The following TSPAN7 variants were observed in gnomAD, a reference collection of about 807,000 sequenced individuals.
TSPAN7 encodes the protein tetraspanin 7.
In TSPAN7, 1 loss-of-function variant was observed where a neutral mutation model predicts 17.6. That is an observed-to-expected ratio of 0.06 (90% CI 0.02 to 0.27). TSPAN7 has a LOEUF of 0.27. TSPAN7 is among the 10% of genes least tolerant of loss of function. TSPAN7 has a pLI of 1.00. For synonymous variants in TSPAN7, 78 were observed against 79.0 expected, an observed-to-expected ratio of 0.99 and a Z score of 0.07; for missense variants, 112 against 201.7, an observed-to-expected ratio of 0.56 and a Z score of 2.69.
chrX:38,677,679 A>G (rs2069863293), intron 5 of TSPAN7, among the ~76,000 whole-genome samples: 1 of 112,291 alleles, frequency 8.9e-6, no homozygotes, highest in Non-Finnish European at 1.9e-5. Flanking sequence ...ATAGCCTCCA[A>G]CCTGGCTCCC....
intron 1 of TSPAN7, among the ~76,000 whole-genome samples, chrX:38,642,776 A>G (rs923858188): frequency 9.0e-6 from 1 of 111,611 alleles, no homozygotes; most frequent in African/African-American, 3.3e-5. Context: ...TGATCATGTA[A>G]TCTTGGGCAG....
At chrX:38,563,247 C>CA (rs1333793434) in intron 1 of TSPAN7, 161 of 574,248 alleles carry the variant, frequency 2.8e-4, no homozygotes, top group Non-Finnish European at 3.7e-4. Context: ...TTTGGACTGA[C>CA]AACGACACAG....
At chrX:38,659,304 C>G (rs1569313331) in intron 1 of TSPAN7, among the ~76,000 whole-genome samples, 2 of 111,804 alleles carry the variant, frequency 1.8e-5, no homozygotes, top group Non-Finnish European at 3.8e-5. Flanking sequence ...GCTGACAGAA[C>G]AGTGGGCTTC....
In TSPAN7 at chrX:38,611,425, G is replaced by A. The variant is rs191112404; in HGVS notation, c.81+49798G>A. Among the ~76,000 whole-genome samples, 4 of 112,421 alleles carry A rather than the reference G, an allele frequency of 3.6e-5. No individual in the cohort carries two copies. In the East Asian group the frequency reaches 8.4e-4, roughly 24 times the overall value. On this transcript the variant is annotated intron_variant, in intron 1 of 7. Coordinates refer to ENST00000378482, the MANE Select transcript of TSPAN7 (RefSeq NM_004615.4). ...GACTAAGTCACGTTGGGGAAATGGT[G>A]AGAACAATCTCTTTTGGCTAGACAC...
intron 1 of TSPAN7, among the ~76,000 whole-genome samples, chrX:38,598,559 T>C: frequency 9.0e-6 from 1 of 111,167 alleles, no homozygotes; most frequent in Admixed American, 9.6e-5. Flanking sequence ...CATTAGGCAG[T>C]GAGAACTTTG....
intron 1 of TSPAN7, among the ~76,000 whole-genome samples, chrX:38,611,502 A>G (rs1403847787): frequency 8.9e-6 from 1 of 112,052 alleles, no homozygotes; most frequent in African/African-American, 3.2e-5. Context: ...GTTGAGGTGC[A>G]TTAGGGCATT....
At chrX:38,649,622 T>C (rs1041570155) in intron 1 of TSPAN7, among the ~76,000 whole-genome samples, 1 of 111,365 alleles carries the variant, frequency 9.0e-6, no homozygotes, top group African/African-American at 3.3e-5. Context: ...ACAGGCTGCT[T>C]GTGGCTACCC....
At chrX:38,630,462 A>C (rs1321793525) in intron 1 of TSPAN7, among the ~76,000 whole-genome samples, 2 of 111,498 alleles carry the variant, frequency 1.8e-5, no homozygotes, top group African/African-American at 6.5e-5. Context: ...CTAACCTCAA[A>C]GTTAGGCCTG....
intron 1 of TSPAN7, among the ~76,000 whole-genome samples, chrX:38,614,451 T>C (rs979920617): frequency 7.1e-5 from 8 of 112,687 alleles, no homozygotes; most frequent in African/African-American, 2.6e-4. Flanking sequence ...GATTTGTGTT[T>C]TGAAACCCTG....
chrX:38,618,836 G>A (rs1176918138), intron 1 of TSPAN7, among the ~76,000 whole-genome samples: 2 of 111,292 alleles, frequency 1.8e-5, no homozygotes, highest in Admixed American at 9.5e-5. Flanking sequence ...GTCTCTCTGC[G>A]GGTGGTGGTA....
rs2069782050 is a variant in TSPAN7, at chrX:38,666,415, A to G, written c.270+106A>G. On this transcript the variant is annotated intron_variant, in intron 2 of 7. Coordinates refer to ENST00000378482, the MANE Select transcript of TSPAN7 (RefSeq NM_004615.4). ...TCTTGAGGTCACAGACAAGACCTTA[A>G]CAATTTCAGTCCAGACTCTTTCCTA... The G allele has an allele frequency of 4.7e-6, 4 of 852,034 alleles. No homozygotes were observed. The South Asian group carries it at 6.5e-5, about 14-fold the overall frequency. 70.2% of individuals were successfully genotyped at this position (852,034 alleles called of 1,213,427 possible).
intron 1 of TSPAN7, among the ~76,000 whole-genome samples, chrX:38,564,313 C>G (rs527278349): frequency 8.9e-6 from 1 of 112,017 alleles, no homozygotes; most frequent in Admixed American, 9.4e-5. Context: ...TAGTGTATAT[C>G]AGTACTTCAT....
chrX:38,584,408 A>G (rs1177012416), intron 1 of TSPAN7, among the ~76,000 whole-genome samples: 1 of 111,940 alleles, frequency 8.9e-6, no homozygotes, highest in African/African-American at 3.2e-5. Flanking sequence ...TAATGAAATT[A>G]GGGTGGGCCA....
At chrX:38,577,810 T>TAA (rs763408978) in intron 1 of TSPAN7, among the ~76,000 whole-genome samples, 33 of 96,363 alleles carry the variant, frequency 3.4e-4, no homozygotes, top group African/African-American at 1.2e-3. Flanking sequence ...ACTTAAAGTA[T>TAA]AAAAAAAAAA....
intron 1 of TSPAN7, among the ~76,000 whole-genome samples, chrX:38,626,929 T>C (rs992151231): frequency 2.7e-5 from 3 of 111,264 alleles, no homozygotes; most frequent in Non-Finnish European, 5.7e-5. Flanking sequence ...CTGGGGTAAT[T>C]TGGCTCTGCT....
At chrX:38,634,972 G>A (rs1415968975) in intron 1 of TSPAN7, among the ~76,000 whole-genome samples, 1 of 110,662 alleles carries the variant, frequency 9.0e-6, no homozygotes, top group Non-Finnish European at 1.9e-5. Flanking sequence ...CATTTATCTA[G>A]GGCAAAGGCC....
chrX:38,686,629 C>G (rs1414321701), intron 6 of TSPAN7, among the ~76,000 whole-genome samples: 1 of 112,022 alleles, frequency 8.9e-6, no homozygotes, highest in Non-Finnish European at 1.9e-5. Context: ...GCCCAGTTAT[C>G]TAAGGAGGAG....
chrX:38,656,647 G>A (rs956319896), intron 1 of TSPAN7, among the ~76,000 whole-genome samples: 6 of 112,037 alleles, frequency 5.4e-5, no homozygotes, highest in African/African-American at 2.0e-4. Flanking sequence ...CTCCTGGTAA[G>A]TGGCTTTGCT....
At chrX:38,564,639 G>A (rs1448922804) in intron 1 of TSPAN7, among the ~76,000 whole-genome samples, 1 of 112,304 alleles carries the variant, frequency 8.9e-6, no homozygotes, top group African/African-American at 3.2e-5. Context: ...GCCAACATTT[G>A]TTATTGCCTG....
Sources: gnomAD v4.1 joint callset for allele counts (sites outside exome capture counted in the v4.1 genomes callset) on GRCh38, gnomAD v4.1.1 for gene constraint, MANE v1.5 for transcripts, NCBI Gene and HGNC (gene_info 2026-07-23, HGNC 2026-07-21) for gene names.